The following WWOX variants were observed in gnomAD, a reference collection of about 807,000 sequenced individuals.
WWOX encodes WW domain-containing oxidoreductase.
In WWOX, 69 loss-of-function variants were observed where a neutral mutation model predicts 46.2. The ratio of observed to expected loss-of-function variants is 1.49; its 90% CI spans 1.23 to 1.82. The LOEUF (loss-of-function observed/expected upper bound fraction) is 1.82. Ranked by LOEUF, WWOX falls within the 40% of genes most tolerant of loss-of-function variation. WWOX has a pLI of 0.00. For synonymous variants in WWOX, 359 were observed against 202.6 expected, an observed-to-expected ratio of 1.77 and a Z score of -6.56; for missense variants, 919 against 542.6, an observed-to-expected ratio of 1.69 and a Z score of -6.89.
chr16:78,818,857 G>C (rs1416544215), intron 8 of WWOX, among the ~76,000 whole-genome samples: 1 of 152,164 alleles, frequency 6.6e-6, no homozygotes, highest in Non-Finnish European at 1.5e-5. Context: ...GCAGAAATTC[G>C]TTAGCACTGA....
chr16:78,168,487 G>C (rs1414786563), intron 5 of WWOX: 7 of 151,698 alleles, frequency 4.6e-5, no homozygotes, highest in Admixed American at 4.6e-4. Flanking sequence ...GGCTCAGAAG[G>C]GTGAAGGAAC....
chr16:79,103,548 G>A (rs1307396062), intron 8 of WWOX, among the ~76,000 whole-genome samples: 5 of 152,144 alleles, frequency 3.3e-5, no homozygotes, highest in African/African-American at 9.7e-5. Context: ...ATGGAGAAAA[G>A]GGTGATTGTC....
chr16:78,971,773 A>G (rs543126525), intron 8 of WWOX, among the ~76,000 whole-genome samples: 218 of 151,572 alleles, frequency 1.4e-3, no homozygotes, highest in Non-Finnish European at 2.5e-3. Flanking sequence ...TTGGGTTCCA[A>G]ACTTTACCTG....
At chr16:78,827,085 T>C (rs1045131398) in intron 8 of WWOX, among the ~76,000 whole-genome samples, 2 of 152,152 alleles carry the variant, frequency 1.3e-5, no homozygotes, top group Non-Finnish European at 2.9e-5. Flanking sequence ...GTTTCTCTGG[T>C]CACAAACCTG....
Position 78,911,042 on chromosome 16 carries a change from ACAGCCTGTCGACTTCCATC to A in WWOX, c.1057-300564_1057-300546del, listed in dbSNP as rs533234205. ...AAAAAAATTAAAAAATGGCTTTCCC[ACAGCCTGTCGACTTCCATC>A]CCCATGTGTGGCTCTCCCCAGGGCC... On this transcript the variant is annotated intron_variant, in intron 8 of 8. Transcript: ENST00000566780. Among the ~76,000 whole-genome samples, 324 of 152,194 alleles carry A rather than the reference ACAGCCTGTCGACTTCCATC, an allele frequency of 2.1e-3. 6 individuals carry two copies. Among genetic ancestry groups the A allele is most frequent in the Non-Finnish European group, 3.6e-3 (243 of 68,000 alleles).
chr16:78,758,096 G>C (rs1268486474), intron 8 of WWOX, among the ~76,000 whole-genome samples: 1 of 151,924 alleles, frequency 6.6e-6, no homozygotes, highest in Non-Finnish European at 1.5e-5. Context: ...AATTAATGTT[G>C]AAATTTTTCT....
intron 8 of WWOX, among the ~76,000 whole-genome samples, chr16:79,161,520 T>C (rs560395464): frequency 6.6e-6 from 1 of 152,264 alleles, no homozygotes; most frequent in African/African-American, 2.4e-5. Context: ...GTTTTTTCAC[T>C]TTTTATTTTT....
intron 5 of WWOX, among the ~76,000 whole-genome samples, chr16:78,333,007 G>A (rs1283853813): frequency 6.9e-6 from 1 of 144,890 alleles, no homozygotes; most frequent in Non-Finnish European, 1.5e-5. Flanking sequence ...AAGATTCTTC[G>A]CTTGGGTATT....
intron 8 of WWOX, among the ~76,000 whole-genome samples, chr16:78,877,756 G>T (rs2044263479): frequency 6.6e-6 from 1 of 152,104 alleles, no homozygotes; most frequent in African/African-American, 2.4e-5. Flanking sequence ...CTTAGCACGT[G>T]GAAGACAATA....
rs567585558 is a variant in WWOX, at chr16:78,339,065, C to A, written c.517-47795C>A. 1.3e-4 allele frequency among the ~76,000 whole-genome samples: 15 copies of A among 120,000 alleles called. 4 individuals are homozygous for A. Among genetic ancestry groups the A allele is most frequent in the African/African-American group, 4.2e-4 (15 of 35,572 alleles). 78.7% of individuals were successfully genotyped at this position (120,000 alleles called of 152,430 possible). ...TTTCAATAAGAAGGAAATTTAGCTTCCTTCTACTTTGGTGCCCCATGATGA... is the reference window on the plus strand; with the variant it reads ...TTTCAATAAGAAGGAAATTTAGCTTACTTCTACTTTGGTGCCCCATGATGA... On this transcript the variant is annotated intron_variant, in intron 5 of 8. Transcript: ENST00000566780.
intron 8 of WWOX, among the ~76,000 whole-genome samples, chr16:78,737,165 T>C (rs183936190): frequency 4.5e-4 from 68 of 152,148 alleles, no homozygotes; most frequent in African/African-American, 1.6e-3. Flanking sequence ...AGTGGTATGA[T>C]CTCGGCTCAC....
chr16:78,424,288 T>C (rs992257619), intron 6 of WWOX, among the ~76,000 whole-genome samples: 1 of 151,998 alleles, frequency 6.6e-6, no homozygotes, highest in Non-Finnish European at 1.5e-5. Context: ...TGGCTAATTT[T>C]TTTTGTGTTT....
At chr16:79,109,595 C>T (rs968267155) in intron 8 of WWOX, among the ~76,000 whole-genome samples, 1 of 152,090 alleles carries the variant, frequency 6.6e-6, no homozygotes, top group Non-Finnish European at 1.5e-5. Context: ...ATAAACAAGC[C>T]TTGTTCATTT....
chr16:78,793,097 G>C (rs1013258351), intron 8 of WWOX, among the ~76,000 whole-genome samples: 1 of 151,996 alleles, frequency 6.6e-6, no homozygotes, highest in Non-Finnish European at 1.5e-5. Flanking sequence ...TTTTGAGAAA[G>C]GCTCTCACTC....
intron 5 of WWOX, among the ~76,000 whole-genome samples, chr16:78,282,706 A>G (rs761512762): frequency 1.9e-4 from 29 of 151,900 alleles, no homozygotes; most frequent in Non-Finnish European, 3.2e-4. Context: ...GTGAGACCCC[A>G]TGTCTACTAA....
intron 8 of WWOX, among the ~76,000 whole-genome samples, chr16:78,470,847 T>C (rs569472644): frequency 2.0e-4 from 30 of 152,268 alleles, no homozygotes; most frequent in African/African-American, 7.2e-4. Flanking sequence ...CCCACTGCTA[T>C]TGTCCAGTGT....
intron 8 of WWOX, among the ~76,000 whole-genome samples, chr16:78,579,354 C>T (rs1597298305): frequency 6.6e-6 from 1 of 152,196 alleles, no homozygotes. Context: ...GCAGGGCAGG[C>T]TCCAAAGGCG....
chr16:78,497,513 AAC>A (rs1220170837), intron 8 of WWOX, among the ~76,000 whole-genome samples: 1 of 137,630 alleles, frequency 7.3e-6, no homozygotes, highest in Non-Finnish European at 1.6e-5. Flanking sequence ...GGAAGCAATG[AAC>A]AGAGTGAAGC....
At chr16:78,885,120 G>A (rs1339733218) in intron 8 of WWOX, among the ~76,000 whole-genome samples, 1 of 151,864 alleles carries the variant, frequency 6.6e-6, no homozygotes, top group Non-Finnish European at 1.5e-5. Flanking sequence ...CTGTTAGTTT[G>A]TGGAGTGGGC....
Sources: gnomAD v4.1 joint callset for allele counts (sites outside exome capture counted in the v4.1 genomes callset) on GRCh38, gnomAD v4.1.1 for gene constraint, MANE v1.5 for transcripts, NCBI Gene and HGNC (gene_info 2026-07-23, HGNC 2026-07-21) for gene names.